The following FRK variants were observed in gnomAD, a reference collection of about 807,000 sequenced individuals.
The protein encoded by FRK is tyrosine-protein kinase FRK.
A neutral mutation model predicts 56.4 loss-of-function variants in FRK; 51 were observed. The ratio of observed to expected loss-of-function variants is 0.90; its 90% CI spans 0.72 to 1.14. FRK has a LOEUF of 1.14. Ranked by LOEUF, FRK falls within the 50% of genes most tolerant of loss-of-function variation. The pLI is 0.00. For synonymous variants in FRK, 245 were observed against 217.9 expected, an observed-to-expected ratio of 1.12 and a Z score of -1.10; for missense variants, 570 against 601.4, an observed-to-expected ratio of 0.95 and a Z score of 0.55.
At position 115,970,588 on chromosome 6, in the gene FRK, T is replaced by C. The variant is rs188881489; in HGVS notation, c.467-1849A>G. 8.5e-5 allele frequency among the ~76,000 whole-genome samples: 13 copies of C among 152,288 alleles called. No individual in the cohort carries two copies. The East Asian group carries it at 2.1e-3, about 25-fold the overall frequency. Reference sequence around the variant, plus strand: ...TGAATGAATCTCGCAAACTCAAATATATAGTCTCATTATTAAAAAGCAAGG... The same window carrying C: ...TGAATGAATCTCGCAAACTCAAATACATAGTCTCATTATTAAAAAGCAAGG... On this transcript the variant is annotated intron_variant, in intron 2 of 7. Transcript: ENST00000606080.
intron 2 of FRK, among the ~76,000 whole-genome samples, chr6:115,994,555 C>G (rs1031404306): frequency 6.6e-6 from 1 of 151,954 alleles, no homozygotes; most frequent in African/African-American, 2.4e-5. Context: ...GTGGATCTTC[C>G]CCTACTTTAC....
chr6:115,985,498 CTTT>C (rs1396225753), intron 2 of FRK, among the ~76,000 whole-genome samples: 1 of 152,064 alleles, frequency 6.6e-6, no homozygotes, highest in African/African-American at 2.4e-5. Flanking sequence ...TTCACATATT[CTTT>C]TTTATTGTAC....
intron 2 of FRK, among the ~76,000 whole-genome samples, chr6:115,999,527 A>C (rs1774969541): frequency 6.6e-6 from 1 of 152,182 alleles, no homozygotes; most frequent in Admixed American, 6.5e-5. Context: ...ACCCTCATGA[A>C]GCTCTTTTCT....
intron 1 of FRK, chr6:116,038,809 G>A (rs776244844): frequency 4.0e-6 from 2 of 504,812 alleles, no homozygotes; most frequent in Non-Finnish European, 8.0e-6. Context: ...ACCGACGGAA[G>A]AAGAGCCTGG....
intron 1 of FRK, among the ~76,000 whole-genome samples, chr6:116,024,904 T>C (rs1471935331): frequency 6.6e-6 from 1 of 152,148 alleles, no homozygotes; most frequent in Non-Finnish European, 1.5e-5. Context: ...TGTTCCTATT[T>C]CTCCACATCC....
chr6:116,094,851 T>C, the FRK span, among the ~76,000 whole-genome samples: 1 of 150,214 alleles, frequency 6.7e-6, no homozygotes, highest in Non-Finnish European at 1.5e-5. Flanking sequence ...GAGGAAGAGA[T>C]AGACAGGGAG....
At chr6:116,021,696 G>T (rs187478010) in intron 1 of FRK, among the ~76,000 whole-genome samples, 130 of 152,148 alleles carry the variant, frequency 8.5e-4, no homozygotes, top group Non-Finnish European at 1.6e-3. Context: ...TAAGAAATCT[G>T]CATAAATTTT....
At chr6:116,076,539 G>A in the FRK span, among the ~76,000 whole-genome samples, 8 of 152,214 alleles carry the variant, frequency 5.3e-5, no homozygotes, top group African/African-American at 1.9e-4. Flanking sequence ...GCAATGATAA[G>A]GAAGCAAAGG....
At chr6:116,089,095 A>G in the FRK span, among the ~76,000 whole-genome samples, 5 of 152,202 alleles carry the variant, frequency 3.3e-5, no homozygotes, top group African/African-American at 1.2e-4. Flanking sequence ...CATATTATTT[A>G]TACTGCTATT....
intron 2 of FRK, among the ~76,000 whole-genome samples, chr6:115,992,621 C>G (rs941011229): frequency 1.3e-5 from 2 of 151,750 alleles, no homozygotes; most frequent in African/African-American, 4.8e-5. Context: ...AAAGAAAACA[C>G]TTCAACATGC....
the FRK span, among the ~76,000 whole-genome samples, chr6:116,076,807 T>A: frequency 4.5e-4 from 68 of 152,354 alleles, no homozygotes; most frequent in Middle Eastern, 3.4e-3. Context: ...TATGCACTGA[T>A]TCTCTAAGTT....
intron 1 of FRK, among the ~76,000 whole-genome samples, chr6:116,019,225 T>A (rs1476652725): frequency 6.6e-6 from 1 of 152,206 alleles, no homozygotes; most frequent in African/African-American, 2.4e-5. Context: ...TATCTTTTAC[T>A]TATCACTGAA....
rs994055981 is a variant in FRK, at chr6:116,045,014, A to G, written c.344+14954T>C. Among the ~76,000 whole-genome samples the G allele has an allele frequency of 5.3e-5, 8 of 152,260 alleles. No homozygotes were observed. The East Asian group carries it at 1.5e-3, about 29-fold the overall frequency. On this transcript the variant is annotated intron_variant, in intron 1 of 7. Transcript: ENST00000606080. ...CAAAGAGAATAAAATACCTAGGAAT[A>G]CAACTTACAAGGGATGTGAAGGACC...
chr6:116,019,205 G>A (rs1775769867), intron 1 of FRK, among the ~76,000 whole-genome samples: 1 of 152,172 alleles, frequency 6.6e-6, no homozygotes, highest in African/African-American at 2.4e-5. Context: ...GCTCAAGAGA[G>A]TGGAAACCTT....
At chr6:116,011,375 T>C (rs1051598024) in intron 1 of FRK, among the ~76,000 whole-genome samples, 2 of 152,126 alleles carry the variant, frequency 1.3e-5, no homozygotes, top group Non-Finnish European at 2.9e-5. Context: ...AGTTAACATA[T>C]GACTTCTTTT....
chr6:116,049,504 C>T (rs554581399), intron 1 of FRK, among the ~76,000 whole-genome samples: 1 of 152,232 alleles, frequency 6.6e-6, no homozygotes, highest in Non-Finnish European at 1.5e-5. Flanking sequence ...CATAGTTTTC[C>T]AGGCAATCAA....
intron 1 of FRK, among the ~76,000 whole-genome samples, chr6:116,017,431 C>A (rs934630098): frequency 6.6e-6 from 1 of 152,292 alleles, no homozygotes; most frequent in South Asian, 2.1e-4. Context: ...TTCAATTTTT[C>A]TACATCGCTT....
At chr6:116,047,569 G>A (rs533256849) in intron 1 of FRK, among the ~76,000 whole-genome samples, 15 of 74 alleles carry the variant, frequency 0.2, no homozygotes, top group Non-Finnish European at 0.3. Context: ...GGATTCAAGT[G>A]ATTCTTCTGC....
intron 2 of FRK, among the ~76,000 whole-genome samples, chr6:115,984,910 C>T (rs1774335455): frequency 2.0e-5 from 3 of 152,042 alleles, no homozygotes; most frequent in Admixed American, 2.0e-4. Context: ...ATTTAGAGAG[C>T]TCATGGAGCA....
Sources: allele counts gnomAD v4.1 joint callset (sites outside exome capture counted in the v4.1 genomes callset), GRCh38; gene constraint gnomAD v4.1.1; transcripts MANE v1.5; gene names NCBI Gene and HGNC (gene_info 2026-07-23, HGNC 2026-07-21).